Variants in SIL1 observed in about 807,000 individuals in gnomAD.
SIL1 encodes the protein nucleotide exchange factor SIL1.
A neutral mutation model predicts 49.1 loss-of-function variants in SIL1; 40 were observed. The ratio of observed to expected loss-of-function variants is 0.81; its 90% CI spans 0.63 to 1.06. SIL1 has a LOEUF of 1.06. Among genes scored for constraint, SIL1 ranks in the 50% least tolerant of loss-of-function variants. SIL1 has a pLI of 0.00. For synonymous variants in SIL1, 253 were observed against 250.8 expected (o/e 1.01, Z -0.08); for missense variants, 500 against 572.6 (o/e 0.87, Z 1.29).
At chr5:139,000,921 C>A (rs1470773280) in intron 7 of SIL1, among the ~76,000 whole-genome samples, 4 of 151,338 alleles carry the variant, frequency 2.6e-5, no homozygotes, top group Admixed American at 2.6e-4. Context: ...TAAATGCCAA[C>A]TAAAACATAA....
intron 1 of SIL1, among the ~76,000 whole-genome samples, chr5:139,166,907 C>T (rs561671943): frequency 6.6e-6 from 1 of 152,316 alleles, no homozygotes; most frequent in South Asian, 2.1e-4. Context: ...CTCCCAAGTG[C>T]ATACCATTCT....
intron 1 of SIL1, among the ~76,000 whole-genome samples, chr5:139,157,299 C>T (rs1373265655): frequency 6.6e-6 from 1 of 152,174 alleles, no homozygotes; most frequent in Non-Finnish European, 1.5e-5. Context: ...AAGCTCCTAA[C>T]CTTTGTTGGT....
chr5:139,085,010 G>A (rs1216079434), intron 3 of SIL1, among the ~76,000 whole-genome samples: 3 of 152,090 alleles, frequency 2.0e-5, no homozygotes, highest in Non-Finnish European at 2.9e-5. Flanking sequence ...GCAGCATGCC[G>A]TGAATAGCAT....
intron 7 of SIL1, among the ~76,000 whole-genome samples, chr5:139,009,458 T>C (rs1313132183): frequency 7.4e-6 from 1 of 134,306 alleles, no homozygotes; most frequent in Non-Finnish European, 1.6e-5. Flanking sequence ...TTTAGTCCAT[T>C]TACATTTAAA....
rs572353427 is a variant in SIL1, at chr5:138,947,541, G to A, written c.1030-68C>T. ...GGAGAGAACACACAGGGAGCAGTTA[G>A]CTCACACCTGGCTAGCTCTGCCCTT... On this transcript the variant is annotated intron_variant, in intron 9 of 9. Transcript: ENST00000394817. The surrounding 1 kb of genome is among the most constrained non-coding windows in gnomAD (Gnocchi z 4.1). The A allele has an allele frequency of 4.6e-5, 64 of 1,396,422 alleles. No individual in the cohort carries two copies. Among genetic ancestry groups the A allele is most frequent in the Middle Eastern group, 1.9e-4 (1 of 5,362 alleles). The allele number at this position is 1,396,422 out of a possible 1,614,324, so 86.5% of individuals were successfully genotyped here. A position where few individuals can be genotyped will look rare whatever the true frequency, so the allele number is the denominator to read the frequency against.
At chr5:139,147,741 C>T (rs1751220915) in intron 1 of SIL1, among the ~76,000 whole-genome samples, 1 of 152,208 alleles carries the variant, frequency 6.6e-6, no homozygotes, top group Non-Finnish European at 1.5e-5. Flanking sequence ...GTTCAAGAAG[C>T]AATATTAAAA....
intron 1 of SIL1, among the ~76,000 whole-genome samples, chr5:139,170,199 C>G (rs10054590): frequency 6.6e-6 from 1 of 151,990 alleles, no homozygotes; most frequent in Non-Finnish European, 1.5e-5. Flanking sequence ...AGTGCAGTGG[C>G]GTGATCTCGG....
intron 7 of SIL1, among the ~76,000 whole-genome samples, chr5:138,997,080 G>C (rs926323386): frequency 6.6e-5 from 10 of 152,122 alleles, no homozygotes; most frequent in African/African-American, 1.9e-4. Context: ...CTACAGGAAT[G>C]CAACACTGTG....
rs143092808 is a variant in SIL1, at chr5:139,125,973, T to C, written c.105+1766A>G. The stretch of plus-strand genomic sequence containing the variant: ...GGCCTTTCCTGGGTGGGCATTAACC[T>C]GCCCCAATGCCTTTGGGGAGGACAA... On this transcript the variant is annotated intron_variant, in intron 2 of 9. Coordinates refer to ENST00000394817, the MANE Select transcript of SIL1 (RefSeq NM_022464.5). Among the ~76,000 whole-genome samples, 5 of 152,322 alleles carry C rather than the reference T, an allele frequency of 3.3e-5. No homozygotes were observed. The East Asian group carries it at 5.8e-4, about 18-fold the overall frequency.
At chr5:139,129,795 T>A (rs1750824334) in intron 1 of SIL1, among the ~76,000 whole-genome samples, 1 of 152,254 alleles carries the variant, frequency 6.6e-6, no homozygotes, top group Non-Finnish European at 1.5e-5. Context: ...AACATAGATG[T>A]AATCTTAACG....
intron 1 of SIL1, among the ~76,000 whole-genome samples, chr5:139,175,762 A>C (rs928294097): frequency 6.6e-6 from 1 of 152,222 alleles, no homozygotes; most frequent in Non-Finnish European, 1.5e-5. Context: ...CAGGACTTCA[A>C]GACCAGCCTG....
intron 7 of SIL1, among the ~76,000 whole-genome samples, chr5:138,953,694 A>C (rs75060853): frequency 0.047 from 2,687 of 57,748 alleles, 94 homozygotes; most frequent in African/African-American, 0.25. Flanking sequence ...CCTGCCCCCC[A>C]CGACTTGAGA....
At chr5:138,996,631 T>C (rs995012491) in intron 7 of SIL1, among the ~76,000 whole-genome samples, 3 of 151,274 alleles carry the variant, frequency 2.0e-5, no homozygotes, top group African/African-American at 7.3e-5. Context: ...GCAATTCTTC[T>C]GTCTCAGCCT....
intron 2 of SIL1, among the ~76,000 whole-genome samples, chr5:139,125,436 A>G (rs1561872014): frequency 6.6e-6 from 1 of 152,228 alleles, no homozygotes; most frequent in Non-Finnish European, 1.5e-5. Context: ...AAGAGAATAA[A>G]TGAATCTCTA....
At chr5:139,002,055 A>T (rs1767997742) in intron 7 of SIL1, among the ~76,000 whole-genome samples, 1 of 152,106 alleles carries the variant, frequency 6.6e-6, no homozygotes, top group African/African-American at 2.4e-5. Flanking sequence ...TACAAAAAAT[A>T]TAAAAATTAC....
intron 1 of SIL1, among the ~76,000 whole-genome samples, chr5:139,177,440 A>C (rs962099199): frequency 1.3e-5 from 2 of 151,472 alleles, no homozygotes; most frequent in African/African-American, 4.9e-5. Flanking sequence ...AGGTTTCATC[A>C]TGTTGGTCAG....
intron 3 of SIL1, among the ~76,000 whole-genome samples, chr5:139,112,081 G>A (rs1317327441): frequency 6.6e-6 from 1 of 152,222 alleles, no homozygotes; most frequent in East Asian, 1.9e-4. Flanking sequence ...TCCTAACCGC[G>A]AGTGATCCGC....
At position 139,121,123 on chromosome 5, in the gene SIL1, C is replaced by T. The variant is rs1750625814; in HGVS notation, c.156G>A (p.Glu52=). ...NPEKSSTKET[E]RKETKAEEEL... Reference sequence around the variant, plus strand: ...CCTCCTCGGCTTTGGTTTCTTTTCTCTCTGTTTCTTTGGTGCTGCTCTTCT... The same window carrying T: ...CCTCCTCGGCTTTGGTTTCTTTTCTTTCTGTTTCTTTGGTGCTGCTCTTCT... Residue 52 remains glutamate, a synonymous_variant, in exon 3 of 10, where the codon GAG becomes GAA. Transcript: ENST00000394817. The T allele has an allele frequency of 3.1e-6, 5 of 1,614,240 alleles. No homozygotes were observed. In the East Asian group the frequency reaches 1.1e-4, roughly 36 times the overall value.
rs141213801 is a variant in SIL1 at position 138,989,664 on chromosome 5, T to C, written c.767+31507A>G. On this transcript the variant is annotated intron_variant, in intron 7 of 9. Coordinates refer to ENST00000394817, the MANE Select transcript of SIL1 (RefSeq NM_022464.5). ...AGGACACCTTTTGCCCTCTAAGGCA[T>C]CATCTAGCTTGATAAGCCCCCAACA... Among the ~76,000 whole-genome samples the C allele has an allele frequency of 7.4e-3, 1,131 of 152,244 alleles. 12 individuals are homozygous for C. Among genetic ancestry groups the C allele is most frequent in the African/African-American group, 0.021 (874 of 41,538 alleles).
Sources: gnomAD v4.1 joint callset for allele counts (sites outside exome capture counted in the v4.1 genomes callset) on GRCh38, gnomAD v4.1.1 for gene constraint, Gnocchi (gnomAD v3.1) non-coding constraint, MANE v1.5 for transcripts, NCBI Gene and HGNC (gene_info 2026-07-23, HGNC 2026-07-21) for gene names.